Variants in DNMT3L observed in about 807,000 individuals in gnomAD.
The protein encoded by DNMT3L is DNA methyltransferase 3 like, also known as DNA (cytosine-5)-methyltransferase 3-like.
Under a neutral mutation model 36.2 loss-of-function variants are expected in DNMT3L, and 33 were observed. The ratio of observed to expected loss-of-function variants is 0.91; its 90% CI spans 0.69 to 1.22. DNMT3L has a LOEUF of 1.22. Among genes scored for constraint, DNMT3L ranks in the 50% most tolerant of loss-of-function variants. The pLI is 0.00. For synonymous variants in DNMT3L, 117 were observed against 121.7 expected (o/e 0.96, Z 0.26); for missense variants, 310 against 303.1 (o/e 1.02, Z -0.17).
At chr21:44,257,245 G>T (rs187455303) in intron 6 of DNMT3L, among the ~76,000 whole-genome samples, 4 of 152,156 alleles carry the variant, frequency 2.6e-5, no homozygotes, top group Admixed American at 1.3e-4. Context: ...CGGGTGTGGC[G>T]GTCGGTGCCT....
intron 8 of DNMT3L, among the ~76,000 whole-genome samples, 182 bp downstream of exon 8, chr21:44,254,435 G>A (rs1296845853): frequency 6.6e-6 from 1 of 152,186 alleles, no homozygotes; most frequent in Admixed American, 6.5e-5. Flanking sequence ...GGGCCGGCGG[G>A]GTTGGGCTGA....
At chr21:44,255,463 C>G (rs1326420232) in intron 7 of DNMT3L, among the ~76,000 whole-genome samples, 1 of 149,234 alleles carries the variant, frequency 6.7e-6, no homozygotes, top group East Asian at 2.0e-4. Context: ...AGAGGTGCAG[C>G]GAGCCGAGAT....
intron 8 of DNMT3L, 149 bp downstream of exon 8, chr21:44,254,468 C>T (rs2146354530): frequency 1.2e-6 from 1 of 832,004 alleles, no homozygotes; most frequent in Non-Finnish European, 1.8e-6. Context: ...CCAGGATCCC[C>T]ACCAGGCTGC....
rs537252424 is a variant in DNMT3L, at chr21:44,260,768, G to A, written c.151+27C>T. 1.5e-5 allele frequency: 24 copies of A among 1,612,974 alleles called. No individual in the cohort carries two copies. The Admixed American group carries it at 3.8e-4, about 26-fold the overall frequency. On this transcript the variant is annotated intron_variant, in intron 3 of 11. Transcript: ENST00000628202. ...CCACTGTGCCCCGTCTCTTTTGTCTGGTGTGGGCCAGTATGCAAACACTCA... is the reference window on the plus strand; with the variant it reads ...CCACTGTGCCCCGTCTCTTTTGTCTAGTGTGGGCCAGTATGCAAACACTCA...
At chr21:44,253,999 A>AG (rs995252149) in intron 8 of DNMT3L, among the ~76,000 whole-genome samples, 2 of 152,026 alleles carry the variant, frequency 1.3e-5, no homozygotes, top group Admixed American at 6.5e-5. Flanking sequence ...AGCGGAGGTG[A>AG]GGGGGGGCTG....
At chr21:44,260,048 C>CAA (rs765722839) in intron 3 of DNMT3L, among the ~76,000 whole-genome samples, 2,266 of 62,486 alleles carry the variant, frequency 0.036, 136 homozygotes, top group African/African-American at 0.11. Flanking sequence ...GAGTGTGTCT[C>CAA]AAAAAAAAAA....
At chr21:44,259,225 A>G (rs1010993860) in intron 5 of DNMT3L, among the ~76,000 whole-genome samples, 4 of 152,078 alleles carry the variant, frequency 2.6e-5, no homozygotes, top group African/African-American at 9.7e-5. Context: ...CAATATCAAC[A>G]CCGAAAAGAA....
At chr21:44,257,453 G>A (rs1267392929) in intron 6 of DNMT3L, among the ~76,000 whole-genome samples, 4 of 151,810 alleles carry the variant, frequency 2.6e-5, no homozygotes, top group African/African-American at 7.3e-5. Context: ...AGGCCGAGGC[G>A]GGCGGATCAC....
rs191056939 is a variant in DNMT3L, at chr21:44,254,568, C to G, written c.693+49G>C. 1,162 of 1,596,132 alleles carry G rather than the reference C, an allele frequency of 7.3e-4. 4 individuals are homozygous for G. In the African/African-American group the frequency reaches 0.014, roughly 19 times the overall value. ...CCTTGGCATTTCCTCTGAGGAAGCTCGCACCCCCGCTCCCACTACAGTGTC... is the reference window on the plus strand; with the variant it reads ...CCTTGGCATTTCCTCTGAGGAAGCTGGCACCCCCGCTCCCACTACAGTGTC... On this transcript the variant is annotated intron_variant, in intron 8 of 11. Transcript: ENST00000628202.
Position 44,254,669 on chromosome 21 carries a change from T to C in DNMT3L, c.641A>G (p.Asp214Gly). 6.2e-7 allele frequency: 1 copy of C among 1,613,918 alleles called. No homozygotes were observed. The highest frequency in any genetic ancestry group is 8.5e-7 in the Non-Finnish European group (1 of 1,179,972). Residue 214 changes from aspartate (D) to glycine (G), a missense_variant, in exon 8 of 12, where the codon GAC becomes GGC. Asp to Gly is a moderately conservative substitution (Grantham distance 94, BLOSUM62 -1). Coordinates refer to ENST00000628202, the MANE Select transcript of DNMT3L (RefSeq NM_175867.3). The part of the protein sequence containing the change: ...TSLGFLESGS[D>G]PGQLKHVVDV... ...AACCACATGCTTCAGTTGTCCCGGG[T>C]CAGAACCACTTTCCAAAAAGCCCAA...
intron 6 of DNMT3L, among the ~76,000 whole-genome samples, chr21:44,257,091 C>T (rs1037171429): frequency 2.0e-5 from 3 of 152,208 alleles, no homozygotes; most frequent in Admixed American, 2.0e-4. Context: ...TTAAAACAGA[C>T]TGGAGGGGCT....
At position 44,253,653 on chromosome 21, in the gene DNMT3L, A is replaced by G. The variant is rs191526945; in HGVS notation, c.693+964T>C. On this transcript the variant is annotated intron_variant, in intron 8 of 11. Coordinates refer to ENST00000628202, the MANE Select transcript of DNMT3L (RefSeq NM_175867.3). Reference sequence around the variant, plus strand: ...AGACTCGCCTGAACCCTGGAGGCGGAGGTTGCAGTGAGCCCAGATTGTGCC... The same window carrying G: ...AGACTCGCCTGAACCCTGGAGGCGGGGGTTGCAGTGAGCCCAGATTGTGCC... 5.1e-4 allele frequency among the ~76,000 whole-genome samples: 78 copies of G among 152,262 alleles called. 2 individuals carry two copies. In the East Asian group the frequency reaches 0.014, roughly 28 times the overall value.
chr21:44,255,964 C>T (rs189114576), intron 7 of DNMT3L, 103 bp downstream of exon 7: 74 of 1,106,516 alleles, frequency 6.7e-5, no homozygotes, highest in East Asian at 3.8e-4. Context: ...AGCAGTTGGC[C>T]GGTCTAGGGG....
At chr21:44,254,769 G>A (rs534707379) in intron 7 of DNMT3L, 64 bp from the exon 8 acceptor site, 43 of 1,537,962 alleles carry the variant, frequency 2.8e-5, no homozygotes, top group African/African-American at 6.9e-5. Context: ...ACAGGGACTC[G>A]AAAAGGCTGA....
rs115596693 is a variant in DNMT3L at position 44,257,806 on chromosome 21, G to A, written c.516+717C>T. On this transcript the variant is annotated intron_variant, in intron 6 of 11. Transcript: ENST00000628202. ...AGAGGTTTTGAAGTGAAGGTGTGCC[G>A]GCAGGCGTGCCTCCCTCAGAAGGCG... Among the ~76,000 whole-genome samples the A allele has an allele frequency of 5.5e-3, 833 of 152,328 alleles. 5 individuals carry two copies. Among genetic ancestry groups the A allele is most frequent in the African/African-American group, 0.019 (808 of 41,570 alleles).
At chr21:44,260,922 TTC>T in intron 2 of DNMT3L, 83 bp from the exon 3 acceptor site, 1 of 1,604,864 alleles carries the variant, frequency 6.2e-7, no homozygotes, top group South Asian at 1.1e-5. Context: ...AGCATCACAA[TTC>T]GTTTTCCAAA....
intron 3 of DNMT3L, 57 bp downstream of exon 3, chr21:44,260,738 G>A (rs2040309917): frequency 2.5e-6 from 4 of 1,608,812 alleles, no homozygotes; most frequent in Non-Finnish European, 3.4e-6. Context: ...GATTATAGGT[G>A]TGAGCCACTG....
Position 44,261,271 on chromosome 21 carries a change from G to A in DNMT3L, c.-7-5C>T, listed in dbSNP as rs762928677. ...GGGATGGCCGCCATGGGGATGCTGT[G>A]TCAGGACACACGGACACAGATGTGA... On this transcript the variant is annotated splice_region_variant and splice_polypyrimidine_tract_variant and intron_variant, in intron 1 of 11. Transcript: ENST00000628202. The A allele has an allele frequency of 5.1e-5, 82 of 1,611,170 alleles. No individual in the cohort carries two copies. Among genetic ancestry groups the A allele is most frequent in the South Asian group, 1.2e-4 (11 of 91,040 alleles).
Position 44,258,522 on chromosome 21 carries a change from C to A in DNMT3L, c.516+1G>T. The stretch of plus-strand genomic sequence containing the variant: ...GTGCTGCCCCTCCACGGGCTCCTTA[C>A]CGACTCTCGGTCGTAGAAGGCCTTG... On this transcript the variant is annotated splice_donor_variant, in intron 6 of 11. Transcript: ENST00000628202. LOFTEE classifies it high-confidence loss of function. The surrounding 1 kb of genome is among the most constrained non-coding windows in gnomAD (Gnocchi z 6.2). 2 of 1,559,284 alleles carry A rather than the reference C, an allele frequency of 1.3e-6. No individual in the cohort carries two copies. Among genetic ancestry groups the A allele is most frequent in the Non-Finnish European group, 1.7e-6 (2 of 1,151,108 alleles).
Sources: gnomAD v4.1 joint callset for allele counts (sites outside exome capture counted in the v4.1 genomes callset) on GRCh38, gnomAD v4.1.1 for gene constraint, Gnocchi (gnomAD v3.1) non-coding constraint, MANE v1.5 for transcripts, NCBI Gene and HGNC (gene_info 2026-07-23, HGNC 2026-07-21) for gene names.